The following TRIM44 variants were observed in gnomAD, a reference collection of about 807,000 sequenced individuals.
TRIM44 encodes the protein tripartite motif-containing protein 44.
In TRIM44, 13 loss-of-function variants were observed where a neutral mutation model predicts 37.4. That is an observed-to-expected ratio of 0.35 (90% CI 0.23 to 0.55). The LOEUF is 0.55. Ranked by LOEUF, TRIM44 falls within the 20% of genes least tolerant of loss-of-function variation. TRIM44 has a pLI of 0.89. For synonymous variants in TRIM44, 175 were observed against 157.2 expected (o/e 1.11, Z -0.85); for missense variants, 426 against 437.2 (o/e 0.97, Z 0.23).
chr11:35,791,945 C>T (rs1853217327), intron 4 of TRIM44, among the ~76,000 whole-genome samples: 1 of 152,118 alleles, frequency 6.6e-6, no homozygotes, highest in African/African-American at 2.4e-5. Flanking sequence ...GATACAAAAA[C>T]AGTTGAATTT....
intron 2 of TRIM44, among the ~76,000 whole-genome samples, chr11:35,709,525 G>A (rs190718292): frequency 1.3e-5 from 2 of 152,214 alleles, no homozygotes; most frequent in Admixed American, 1.3e-4. Flanking sequence ...GATGTAAGAG[G>A]CCTCTAACTG....
intron 4 of TRIM44, among the ~76,000 whole-genome samples, chr11:35,784,632 G>A (rs1440110382): frequency 1.3e-5 from 2 of 152,162 alleles, no homozygotes; most frequent in Non-Finnish European, 2.9e-5. Context: ...ATGTATGTGT[G>A]TATACACACA....
chr11:35,715,133 T>C (rs1852022745), intron 2 of TRIM44, among the ~76,000 whole-genome samples: 1 of 152,176 alleles, frequency 6.6e-6, no homozygotes, highest in African/African-American at 2.4e-5. Context: ...GTCATGTCAC[T>C]GGGTTACACA....
At chr11:35,742,630 A>T (rs1590560548) in intron 4 of TRIM44, among the ~76,000 whole-genome samples, 1 of 131,722 alleles carries the variant, frequency 7.6e-6, no homozygotes. Flanking sequence ...ATTGTATTTT[A>T]TATATAATTA....
At chr11:35,742,100 G>A (rs1852404405) in intron 4 of TRIM44, among the ~76,000 whole-genome samples, 1 of 151,780 alleles carries the variant, frequency 6.6e-6, no homozygotes. Flanking sequence ...ATGCCACCAT[G>A]CCTGGCTAAT....
Position 35,663,596 on chromosome 11 carries a change from A to C in TRIM44, c.485A>C (p.Glu162Ala), listed in dbSNP as rs375549195. 6 of 1,614,134 alleles carry C rather than the reference A, an allele frequency of 3.7e-6. No individual in the cohort carries two copies. Among genetic ancestry groups the C allele is most frequent in the Non-Finnish European group, 5.1e-6 (6 of 1,180,030 alleles). Residue 162 changes from glutamate to alanine, a missense_variant, in exon 1 of 5, where the codon GAA becomes GCA. By Grantham distance (107) the Glu-to-Ala change is moderately radical. Transcript: ENST00000299413. ...GAGGGAGAAACTGAGGCAGAAAGTGAATTTGACCCAGAAATAGAAATGGAA... is the reference window on the plus strand; with the variant it reads ...GAGGGAGAAACTGAGGCAGAAAGTGCATTTGACCCAGAAATAGAAATGGAA... ...EAEGETEAES[E>A]FDPEIEMEAE...
At chr11:35,734,733 C>T (rs770951611) in intron 3 of TRIM44, among the ~76,000 whole-genome samples, 78 of 152,220 alleles carry the variant, frequency 5.1e-4, no homozygotes, top group Middle Eastern at 6.8e-3. Context: ...AATGCCATAC[C>T]TGGAAAAATA....
In TRIM44 at chr11:35,816,653, C is replaced by T. The variant is rs992478217; in HGVS notation, c.*10268C>T. ...ATCTTCACAAAAAAGAGCAATGTGC[C>T]GTCTTCTGTCTTTGGAAAATGGGAC... On this transcript the variant is annotated 3_prime_UTR_variant, in exon 5 of 5. Transcript: ENST00000299413. The T allele has an allele frequency of 4.6e-5, 7 of 152,246 alleles. No homozygotes were observed. The highest frequency in any genetic ancestry group is 5.9e-5 in the Non-Finnish European group (4 of 68,010). The allele number at this position is 152,246 out of a possible 1,614,324, so 9.4% of individuals were successfully genotyped here. A position where few individuals can be genotyped will look rare whatever the true frequency, so the allele number is the denominator to read the frequency against.
chr11:35,777,039 A>C (rs1198308878), intron 4 of TRIM44, among the ~76,000 whole-genome samples: 4 of 152,212 alleles, frequency 2.6e-5, no homozygotes, highest in African/African-American at 9.6e-5. Context: ...TGATCTGTCT[A>C]ATGTTGACAG....
chr11:35,701,368 A>G (rs1445708454), intron 2 of TRIM44, among the ~76,000 whole-genome samples: 1 of 151,986 alleles, frequency 6.6e-6, no homozygotes, highest in Non-Finnish European at 1.5e-5. Flanking sequence ...GTTTAACTAT[A>G]GTGCTCTTTA....
chr11:35,763,332 G>A (rs1852752606), intron 4 of TRIM44, among the ~76,000 whole-genome samples: 1 of 152,062 alleles, frequency 6.6e-6, no homozygotes, highest in South Asian at 2.1e-4. Flanking sequence ...TCTGGACTTG[G>A]ATAAGCACAG....
intron 2 of TRIM44, among the ~76,000 whole-genome samples, chr11:35,705,186 G>A (rs1419958542): frequency 1.3e-5 from 2 of 150,604 alleles, no homozygotes; most frequent in African/African-American, 4.9e-5. Flanking sequence ...TAATGGTAAA[G>A]GGATCAATTC....
intron 4 of TRIM44, among the ~76,000 whole-genome samples, chr11:35,763,036 T>A (rs1180236537): frequency 6.6e-6 from 1 of 152,178 alleles, no homozygotes; most frequent in African/African-American, 2.4e-5. Flanking sequence ...TCAGTGGCAA[T>A]AACGACAAAT....
chr11:35,778,275 C>T (rs1014908819), intron 4 of TRIM44, among the ~76,000 whole-genome samples: 15 of 152,140 alleles, frequency 9.9e-5, no homozygotes, highest in Non-Finnish European at 1.9e-4. Context: ...GCATTTGTCA[C>T]GTAGTTTTCG....
chr11:35,707,386 C>T (rs1478392452), intron 2 of TRIM44, among the ~76,000 whole-genome samples: 1 of 152,128 alleles, frequency 6.6e-6, no homozygotes, highest in Non-Finnish European at 1.5e-5. Context: ...CTACCAATGA[C>T]TTTCTTCACA....
rs528004395 is a variant in TRIM44, at chr11:35,814,248, G to C, written c.*7863G>C. ...GCTCTTTGCTGTAAGAAGAATAAAC[G>C]TTATGTAGATATAATACCAGCGTGA... On this transcript the variant is annotated 3_prime_UTR_variant, in exon 5 of 5. Transcript: ENST00000299413. 3 of 152,148 alleles carry C rather than the reference G, an allele frequency of 2.0e-5. No homozygotes were observed. In the South Asian group the frequency reaches 6.2e-4, roughly 31 times the overall value. 9.4% of individuals were successfully genotyped at this position (152,148 alleles called of 1,614,324 possible). A position where few individuals can be genotyped will look rare whatever the true frequency, so the allele number is the denominator to read the frequency against.
intron 4 of TRIM44, among the ~76,000 whole-genome samples, chr11:35,800,434 C>G (rs1038440715): frequency 2.6e-5 from 4 of 152,190 alleles, no homozygotes; most frequent in African/African-American, 9.7e-5. Flanking sequence ...AGTCCTTTAG[C>G]TAGACACAGA....
chr11:35,720,559 G>A (rs1301955935), intron 2 of TRIM44, among the ~76,000 whole-genome samples: 1 of 152,026 alleles, frequency 6.6e-6, no homozygotes, highest in African/African-American at 2.4e-5. Flanking sequence ...CGTAAGCTAG[G>A]ATTTTCAGTA....
intron 1 of TRIM44, among the ~76,000 whole-genome samples, chr11:35,681,298 T>C (rs1405088241): frequency 6.6e-6 from 1 of 152,202 alleles, no homozygotes; most frequent in Non-Finnish European, 1.5e-5. Context: ...TGAAAGAGCA[T>C]ATGAAAGTGC....
Sources: gnomAD v4.1 joint callset for allele counts (sites outside exome capture counted in the v4.1 genomes callset) on GRCh38, gnomAD v4.1.1 for gene constraint, MANE v1.5 for transcripts, NCBI Gene and HGNC (gene_info 2026-07-23, HGNC 2026-07-21) for gene names.